Variants in MSRB3 observed in about 807,000 individuals in gnomAD.
The protein encoded by MSRB3 is methionine-R-sulfoxide reductase B3.
A neutral mutation model predicts 21.0 loss-of-function variants in MSRB3; 13 were observed. The ratio of observed to expected loss-of-function variants is 0.62; its 90% confidence interval spans 0.40 to 0.98. The LOEUF (loss-of-function observed/expected upper bound fraction) is 0.98, where lower values mean the gene tolerates loss of function less well. MSRB3 is among the 50% of genes least tolerant of loss of function. MSRB3 has a pLI of 0.00. For synonymous variants in MSRB3, 87 were observed against 88.6 expected (o/e 0.98, Z 0.10); for missense variants, 199 against 230.3 (o/e 0.86, Z 0.88).
intron 4 of MSRB3, among the ~76,000 whole-genome samples, chr12:65,352,784 A>G (rs933935598): frequency 6.6e-6 from 1 of 150,684 alleles, no homozygotes; most frequent in African/African-American, 2.4e-5. Flanking sequence ...TTCAAGGAGA[A>G]CTACAAACCA....
At chr12:65,308,835 T>C (rs928933235) in intron 2 of MSRB3, 180 bp downstream of exon 2, 7 of 766,988 alleles carry the variant, frequency 9.1e-6, no homozygotes, top group Admixed American at 4.2e-5. Context: ...ATTTCCACAA[T>C]CCTTACAACC....
chr12:65,351,162 T>C (rs1008934700), intron 4 of MSRB3, among the ~76,000 whole-genome samples: 5 of 152,004 alleles, frequency 3.3e-5, no homozygotes, highest in Non-Finnish European at 7.4e-5. Flanking sequence ...AGAATCTCAC[T>C]CAAAACCACT....
At chr12:65,422,614 G>A (rs1881381633) in intron 5 of MSRB3, among the ~76,000 whole-genome samples, 1 of 150,852 alleles carries the variant, frequency 6.6e-6, no homozygotes, top group Admixed American at 6.6e-5. Context: ...AAATTTTGAT[G>A]GTGATTGCAT....
rs555558562 is a variant in MSRB3, at chr12:65,354,365, A to G, written c.264-14633A>G. On this transcript the variant is annotated intron_variant, in intron 4 of 6. Coordinates refer to ENST00000308259, the MANE Select transcript of MSRB3 (RefSeq NM_001031679.3). ...CTTCCCGTCACTTTCAGGTACACCA[A>G]TCAGACGTAGATTTGGTCTTTTCAC... is the stretch of plus-strand genomic sequence containing the variant. 3.9e-5 allele frequency among the ~76,000 whole-genome samples: 6 copies of G among 152,152 alleles called. No homozygotes were observed. The South Asian group carries it at 8.3e-4, about 21-fold the overall frequency.
At chr12:65,416,399 T>C (rs996538367) in intron 5 of MSRB3, among the ~76,000 whole-genome samples, 1 of 152,208 alleles carries the variant, frequency 6.6e-6, no homozygotes, top group Non-Finnish European at 1.5e-5. Flanking sequence ...TGTGATCCCA[T>C]GTAACAATGT....
intron 5 of MSRB3, among the ~76,000 whole-genome samples, chr12:65,371,838 T>G (rs1234134342): frequency 6.6e-6 from 1 of 152,194 alleles, no homozygotes; most frequent in Non-Finnish European, 1.5e-5. Context: ...CTGATCAGAA[T>G]TGCATCTTTC....
chr12:65,380,267 C>A (rs1878866431), intron 5 of MSRB3, among the ~76,000 whole-genome samples: 1 of 152,166 alleles, frequency 6.6e-6, no homozygotes, highest in Non-Finnish European at 1.5e-5. Context: ...AGTAAACCAA[C>A]TTGCCAGAAC....
rs756974233 is a variant in MSRB3 at position 65,374,847 on chromosome 12, A to ATCTT, written c.292+5835_292+5838dup. 4.6e-5 allele frequency among the ~76,000 whole-genome samples: 7 copies of ATCTT among 152,066 alleles called. No homozygotes were observed. The South Asian group carries it at 1.2e-3, about 27-fold the overall frequency. ...AAATCAGGCAACCTTCTCTATAGCA[A>ATCTT]TCTTTCTTTCTTTCTTTTTTGAGAC... is the stretch of plus-strand genomic sequence containing the variant. On this transcript the variant is annotated intron_variant, in intron 5 of 6. Transcript: ENST00000308259.
At chr12:65,306,585 G>T (rs1369328490) in intron 1 of MSRB3, among the ~76,000 whole-genome samples, 1 of 152,124 alleles carries the variant, frequency 6.6e-6, no homozygotes, top group Non-Finnish European at 1.5e-5. Flanking sequence ...GACAAATTGT[G>T]CTTTTTGCAT....
At chr12:65,308,501 TTTTG>T in intron 1 of MSRB3, 24 bp from the exon 2 acceptor site, 1 of 1,611,932 alleles carries the variant, frequency 6.2e-7, no homozygotes, top group Non-Finnish European at 8.5e-7. Context: ...TTAATTTGAT[TTTTG>T]TTTTTGTTTT....
At chr12:65,296,673 A>G (rs1396990494) in intron 1 of MSRB3, among the ~76,000 whole-genome samples, 1 of 152,204 alleles carries the variant, frequency 6.6e-6, no homozygotes, top group East Asian at 1.9e-4. Context: ...CTAGGACACT[A>G]CGCACAAAGA....
At chr12:65,331,587 A>G (rs1875421679) in intron 4 of MSRB3, among the ~76,000 whole-genome samples, 1 of 152,192 alleles carries the variant, frequency 6.6e-6, no homozygotes, top group African/African-American at 2.4e-5. Flanking sequence ...TTTGCAGGGC[A>G]TCTCAGTGGA....
intron 4 of MSRB3, among the ~76,000 whole-genome samples, chr12:65,353,611 A>T (rs1278359031): frequency 1.3e-5 from 2 of 151,868 alleles, no homozygotes; most frequent in African/African-American, 4.8e-5. Context: ...TTTTGAGCCT[A>T]TGTGTGTCTC....
chr12:65,426,069 G>A (rs1881584787), intron 5 of MSRB3, among the ~76,000 whole-genome samples: 1 of 152,078 alleles, frequency 6.6e-6, no homozygotes. Context: ...TGTTGGCCAA[G>A]CTGGTCTTGA....
chr12:65,287,665 A>G (rs1351781047), intron 1 of MSRB3, among the ~76,000 whole-genome samples: 1 of 152,150 alleles, frequency 6.6e-6, no homozygotes, highest in Non-Finnish European at 1.5e-5. Context: ...GCAAAAAGGA[A>G]AAAGTGCACT....
chr12:65,375,849 G>A (rs560883058), intron 5 of MSRB3, among the ~76,000 whole-genome samples: 1 of 150,080 alleles, frequency 6.7e-6, no homozygotes, highest in Non-Finnish European at 1.5e-5. Context: ...TTTTATTAAT[G>A]TTTTTCAGTT....
chr12:65,442,125 AG>A (rs1882411106), intron 5 of MSRB3, among the ~76,000 whole-genome samples: 1 of 152,082 alleles, frequency 6.6e-6, no homozygotes, highest in African/African-American at 2.4e-5. Flanking sequence ...TTATGAAAAC[AG>A]GGAAATTCAG....
chr12:65,320,335 A>G (rs1228434665), intron 2 of MSRB3, among the ~76,000 whole-genome samples: 1 of 152,164 alleles, frequency 6.6e-6, no homozygotes. Context: ...ATGAAATAAA[A>G]CTGAAACAAA....
chr12:65,454,025 T>G, intron 6 of MSRB3, 200 bp downstream of exon 6: 1 of 673,450 alleles, frequency 1.5e-6, no homozygotes, highest in Non-Finnish European at 2.7e-6. Context: ...AGCTCAAGCC[T>G]GTAATCCCAT....
Sources: allele counts gnomAD v4.1 joint callset (sites outside exome capture counted in the v4.1 genomes callset), GRCh38; gene constraint gnomAD v4.1.1; transcripts MANE v1.5; gene names NCBI Gene and HGNC (gene_info 2026-07-23, HGNC 2026-07-21).